PPFIA2: variants seen among roughly 807,000 people sequenced by gnomAD.
The protein encoded by PPFIA2 is liprin-alpha-2.
In PPFIA2, 46 loss-of-function variants were observed where a neutral mutation model predicts 175.5. The observed-to-expected ratio is 0.26, with a 90% CI of 0.21 to 0.34. The LOEUF (loss-of-function observed/expected upper bound fraction) is 0.34. PPFIA2 is among the 10% of genes least tolerant of loss of function. The pLI, the probability that PPFIA2 is intolerant of heterozygous loss-of-function variation, is 1.00. For synonymous variants in PPFIA2, 568 were observed against 511.4 expected, an observed-to-expected ratio of 1.11 and a Z score of -1.49; for missense variants, 1,179 against 1,506.1, an observed-to-expected ratio of 0.78 and a Z score of 3.60.
intron 4 of PPFIA2, among the ~76,000 whole-genome samples, chr12:81,574,709 G>T (rs187118373): frequency 6.7e-6 from 1 of 149,942 alleles, no homozygotes; most frequent in East Asian, 2.0e-4. Context: ...ATTATTATTG[G>T]GAAAAAAAAA....
At chr12:81,727,364 A>G (rs1376191922) in intron 3 of PPFIA2, among the ~76,000 whole-genome samples, 1 of 151,412 alleles carries the variant, frequency 6.6e-6, no homozygotes, top group Admixed American at 6.6e-5. Flanking sequence ...TGTTTCGAAC[A>G]TTAATTTACA....
chr12:81,564,239 C>G (rs568785373), intron 4 of PPFIA2, among the ~76,000 whole-genome samples: 1 of 152,184 alleles, frequency 6.6e-6, no homozygotes, highest in South Asian at 2.1e-4. Context: ...AAAAGCAGAG[C>G]ATTTGAAATG....
intron 14 of PPFIA2, among the ~76,000 whole-genome samples, chr12:81,365,559 A>T (rs2032929676): frequency 6.6e-6 from 1 of 151,716 alleles, no homozygotes; most frequent in African/African-American, 2.4e-5. Context: ...CAAAATTCAC[A>T]ATCTGCTCAA....
At chr12:81,412,100 T>C (rs2044070932) in intron 7 of PPFIA2, among the ~76,000 whole-genome samples, 1 of 151,926 alleles carries the variant, frequency 6.6e-6, no homozygotes. Context: ...TGCAAGTTGA[T>C]GCCTTGGAGA....
At chr12:81,755,702 A>G (rs1161231343) in intron 2 of PPFIA2, among the ~76,000 whole-genome samples, 4 of 152,192 alleles carry the variant, frequency 2.6e-5, no homozygotes, top group African/African-American at 9.6e-5. Context: ...ATATTAAAAA[A>G]TTAAGGGGGT....
At chr12:81,469,413 C>T (rs1669385844) in intron 4 of PPFIA2, among the ~76,000 whole-genome samples, 2 of 152,122 alleles carry the variant, frequency 1.3e-5, no homozygotes, top group Admixed American at 6.6e-5. Flanking sequence ...ATGTGATAAA[C>T]GCTGTGATGG....
At chr12:81,353,774 G>C (rs2060426618) in intron 16 of PPFIA2, among the ~76,000 whole-genome samples, 1 of 151,880 alleles carries the variant, frequency 6.6e-6, no homozygotes, top group Non-Finnish European at 1.5e-5. Context: ...AATTACACAG[G>C]AATTCTCTTC....
intron 4 of PPFIA2, among the ~76,000 whole-genome samples, chr12:81,582,605 T>C (rs927713578): frequency 6.6e-6 from 1 of 151,822 alleles, no homozygotes; most frequent in Non-Finnish European, 1.5e-5. Flanking sequence ...TGCTCACACG[T>C]CCTTCAATGC....
intron 4 of PPFIA2, among the ~76,000 whole-genome samples, chr12:81,519,922 T>C (rs2062911675): frequency 1.3e-5 from 2 of 152,176 alleles, no homozygotes; most frequent in Admixed American, 6.5e-5. Context: ...AATTTGTAAA[T>C]TAGACACAGT....
chr12:81,607,257 T>C (rs2060423135), intron 4 of PPFIA2, among the ~76,000 whole-genome samples: 1 of 152,134 alleles, frequency 6.6e-6, no homozygotes, highest in South Asian at 2.1e-4. Flanking sequence ...ACTTTGTTCT[T>C]TTGCTTAGGA....
chr12:81,432,725 GGGATTACA>G (rs1374889045), intron 7 of PPFIA2, among the ~76,000 whole-genome samples: 5 of 151,940 alleles, frequency 3.3e-5, no homozygotes, highest in African/African-American at 1.2e-4. Flanking sequence ...CCAAAGTGCT[GGGATTACA>G]GGCGTGAGCC....
At chr12:81,731,529 G>T (rs573950945) in intron 3 of PPFIA2, among the ~76,000 whole-genome samples, 46 of 151,722 alleles carry the variant, frequency 3.0e-4, no homozygotes, top group African/African-American at 1.1e-3. Context: ...GAGCCTTACT[G>T]TGCTTATATC....
At chr12:81,515,625 T>C (rs1377423060) in intron 4 of PPFIA2, among the ~76,000 whole-genome samples, 1 of 152,082 alleles carries the variant, frequency 6.6e-6, no homozygotes, top group Non-Finnish European at 1.5e-5. Flanking sequence ...CTACACCTTC[T>C]CAGTGAGTGT....
chr12:81,703,391 T>G (rs1164022371), intron 3 of PPFIA2, among the ~76,000 whole-genome samples: 2 of 152,100 alleles, frequency 1.3e-5, no homozygotes, highest in East Asian at 1.9e-4. Flanking sequence ...TCATCCTTGA[T>G]TTTTATTCTT....
chr12:81,736,256 C>A (rs1447081044), intron 3 of PPFIA2, among the ~76,000 whole-genome samples: 1 of 151,862 alleles, frequency 6.6e-6, no homozygotes, highest in Non-Finnish European at 1.5e-5. Flanking sequence ...ACTATACAAG[C>A]CTTGCATGTA....
At chr12:81,640,840 C>G (rs1943488011) in intron 4 of PPFIA2, among the ~76,000 whole-genome samples, 1 of 152,004 alleles carries the variant, frequency 6.6e-6, no homozygotes, top group Non-Finnish European at 1.5e-5. Flanking sequence ...CTCCTAATCA[C>G]CCAATGAGCT....
chr12:81,368,699 G>A lies in PPFIA2; in HGVS notation c.1482+26C>T, dbSNP rs10506275. 9 of 1,588,986 alleles carry A rather than the reference G, an allele frequency of 5.7e-6. No homozygotes were observed. In the East Asian group the frequency reaches 2.0e-4, roughly 36 times the overall value. On this transcript the variant is annotated intron_variant, in intron 13 of 32. Coordinates refer to ENST00000549396, the MANE Select transcript of PPFIA2 (RefSeq NM_003625.5). ...AACATGAGCATTGCAAAATATTCAT[G>A]TGATTTTACCCTTCTATCGTTTTAC...
intron 4 of PPFIA2, among the ~76,000 whole-genome samples, chr12:81,559,993 A>G (rs2069680741): frequency 6.6e-6 from 1 of 152,140 alleles, no homozygotes; most frequent in Admixed American, 6.5e-5. Context: ...ATAACACGTT[A>G]TTACACTTTG....
intron 4 of PPFIA2, among the ~76,000 whole-genome samples, chr12:81,549,303 A>T (rs1263059664): frequency 6.6e-6 from 1 of 152,088 alleles, no homozygotes; most frequent in East Asian, 1.9e-4. Flanking sequence ...TCATAATTAG[A>T]AATAAAATCT....
Sources: gnomAD v4.1 joint callset for allele counts (sites outside exome capture counted in the v4.1 genomes callset) on GRCh38, gnomAD v4.1.1 for gene constraint, MANE v1.5 for transcripts, NCBI Gene and HGNC (gene_info 2026-07-23, HGNC 2026-07-21) for gene names.